Variants in GSE1 observed in about 807,000 individuals in gnomAD.
GSE1 encodes the protein genetic suppressor element 1.
GSE1 carries 32 observed loss-of-function variants against 112.6 expected under a neutral mutation model. The observed-to-expected ratio is 0.28, with a 90% CI of 0.21 to 0.38. GSE1 has a LOEUF of 0.38. Ranked by LOEUF, GSE1 falls within the 10% of genes least tolerant of loss-of-function variation. GSE1 has a pLI of 1.00. For synonymous variants in GSE1, 1,115 were observed against 735.6 expected (o/e 1.52, Z -8.35); for missense variants, 2,348 against 1,699.2 (o/e 1.38, Z -6.71).
intron 1 of GSE1, among the ~76,000 whole-genome samples, chr16:85,198,243 CAGAA>C (rs2074965565): frequency 6.6e-6 from 1 of 152,184 alleles, no homozygotes; most frequent in East Asian, 1.9e-4. Context: ...GACCAGGGCT[CAGAA>C]AGACCGAAGT....
At chr16:85,535,630 T>C (rs928217095) in intron 2 of GSE1, among the ~76,000 whole-genome samples, 4 of 152,234 alleles carry the variant, frequency 2.6e-5, no homozygotes, top group East Asian at 1.9e-4. Context: ...GTTGGGGTGA[T>C]ACTGGGTGAA....
At chr16:85,175,879 A>G (rs188930298) in intron 1 of GSE1, among the ~76,000 whole-genome samples, 14 of 152,338 alleles carry the variant, frequency 9.2e-5, no homozygotes, top group Admixed American at 9.1e-4. Flanking sequence ...CAGAGAGGTT[A>G]AGCAACTTGT....
At position 85,675,264 on chromosome 16, in the gene GSE1, A is replaced by G. The variant is rs2053620533; in HGVS notation, c.*2725A>G. ...CCTGAAAGCCCTCGGCTCGGTCCTT[A>G]GACCATCTTCCTACATTACCTGGAA... On this transcript the variant is annotated 3_prime_UTR_variant, in exon 16 of 16. Transcript: ENST00000253458. 1 of 152,178 alleles carries G rather than the reference A, an allele frequency of 6.6e-6. No homozygotes were observed. Among genetic ancestry groups the G allele is most frequent in the Non-Finnish European group, 1.5e-5 (1 of 68,036 alleles). 9.4% of individuals were successfully genotyped at this position (152,178 alleles called of 1,614,324 possible). A position where few individuals can be genotyped will look rare whatever the true frequency, so the allele number is the denominator to read the frequency against.
intron 1 of GSE1, among the ~76,000 whole-genome samples, chr16:85,229,508 A>G (rs2075545865): frequency 1.3e-5 from 2 of 152,182 alleles, no homozygotes; most frequent in African/African-American, 2.4e-5. Flanking sequence ...TGTGCCATGC[A>G]CCGTGCTAAG....
chr16:85,171,735 G>C (rs1239854563), exon 1 of GSE1: 25 of 985,542 alleles, frequency 2.5e-5, no homozygotes, highest in Non-Finnish European at 2.9e-5. Context: ...GTGGGACCCT[G>C]GTGTGTGCGG....
intron 1 of GSE1, 22 bp downstream of exon 1, chr16:85,613,420 G>A (rs756126377): frequency 1.3e-6 from 2 of 1,547,360 alleles, no homozygotes; most frequent in Non-Finnish European, 1.7e-6. Context: ...GCACCCGGCC[G>A]GGGACGGGGT....
intron 2 of GSE1, among the ~76,000 whole-genome samples, chr16:85,430,191 C>T (rs979916758): frequency 4.6e-5 from 7 of 152,206 alleles, no homozygotes; most frequent in African/African-American, 1.7e-4. Context: ...ATTTAATCCT[C>T]ACAACCTCAT....
chr16:85,483,565 G>A (rs1296525286), intron 2 of GSE1, among the ~76,000 whole-genome samples: 3 of 152,274 alleles, frequency 2.0e-5, no homozygotes, highest in Admixed American at 6.5e-5. Context: ...TCCACCAGGC[G>A]ATGCCCAGGC....
chr16:85,573,376 T>C (rs2046091249), intron 1 of GSE1, among the ~76,000 whole-genome samples: 1 of 152,196 alleles, frequency 6.6e-6, no homozygotes, highest in African/African-American at 2.4e-5. Flanking sequence ...GTTGATGACG[T>C]TCAGCTTGCT....
chr16:85,268,145 A>G (rs113565804), intron 1 of GSE1, among the ~76,000 whole-genome samples: 4 of 152,212 alleles, frequency 2.6e-5, no homozygotes, highest in Non-Finnish European at 5.9e-5. Flanking sequence ...AGTGCTGTCT[A>G]TCCTGCTGCC....
intron 1 of GSE1, among the ~76,000 whole-genome samples, chr16:85,588,356 G>A (rs1231986054): frequency 6.6e-6 from 1 of 152,168 alleles, no homozygotes; most frequent in Non-Finnish European, 1.5e-5. Context: ...CCCCTTCCCC[G>A]CTGCGGGCCT....
chr16:85,616,578 C>T (rs1029240629), intron 1 of GSE1, among the ~76,000 whole-genome samples: 3 of 152,214 alleles, frequency 2.0e-5, no homozygotes, highest in Non-Finnish European at 4.4e-5. Flanking sequence ...ACAGGGCTTC[C>T]CCTCCCTTTC....
At chr16:85,392,521 A>G (rs557267036) in intron 2 of GSE1, among the ~76,000 whole-genome samples, 21 of 152,320 alleles carry the variant, frequency 1.4e-4, no homozygotes, top group Admixed American at 7.8e-4. Flanking sequence ...TTTTGTGAGT[A>G]TTCTAAAGCC....
At chr16:85,329,008 G>A (rs1474953835) in intron 1 of GSE1, among the ~76,000 whole-genome samples, 1 of 152,204 alleles carries the variant, frequency 6.6e-6, no homozygotes, top group African/African-American at 2.4e-5. Context: ...GGGGCGTTCG[G>A]TGGGGGATTG....
At chr16:85,196,767 C>A (rs567376236) in intron 1 of GSE1, among the ~76,000 whole-genome samples, 27 of 152,274 alleles carry the variant, frequency 1.8e-4, no homozygotes, top group Admixed American at 5.9e-4. Flanking sequence ...TGTGTTTAGA[C>A]CGCATGTTTA....
At chr16:85,288,990 C>T (rs1198678619) in intron 1 of GSE1, among the ~76,000 whole-genome samples, 2 of 152,194 alleles carry the variant, frequency 1.3e-5, no homozygotes, top group Non-Finnish European at 2.9e-5. Context: ...TGGTGTCAGG[C>T]TCTCCTGAGC....
At chr16:85,473,040 G>A (rs1372750573) in intron 2 of GSE1, among the ~76,000 whole-genome samples, 1 of 152,378 alleles carries the variant, frequency 6.6e-6, no homozygotes, top group Non-Finnish European at 1.5e-5. Flanking sequence ...CAGGAGGTGC[G>A]CCCGGCACCA....
intron 2 of GSE1, among the ~76,000 whole-genome samples, chr16:85,404,779 G>A (rs1412766564): frequency 1.5e-4 from 5 of 32,318 alleles, no homozygotes; most frequent in African/African-American, 2.0e-4. Flanking sequence ...AATCCTCACC[G>A]TTACACTCAG....
chr16:85,348,925 G>T (rs1356588534), intron 1 of GSE1, among the ~76,000 whole-genome samples: 1 of 151,174 alleles, frequency 6.6e-6, no homozygotes, highest in African/African-American at 2.4e-5. Context: ...CCCCAGCTGC[G>T]GCGCCCTGCC....
Sources: allele counts gnomAD v4.1 joint callset (sites outside exome capture counted in the v4.1 genomes callset), GRCh38; gene constraint gnomAD v4.1.1; transcripts MANE v1.5; gene names NCBI Gene and HGNC (gene_info 2026-07-23, HGNC 2026-07-21).